The following SRGAP1 variants were observed in gnomAD, a reference collection of about 807,000 sequenced individuals.
The protein encoded by SRGAP1 is SLIT-ROBO Rho GTPase activating protein 1.
A neutral mutation model predicts 121.9 loss-of-function variants in SRGAP1; 43 were observed. The observed-to-expected ratio is 0.35, with a 90% CI of 0.28 to 0.46. SRGAP1 has a LOEUF of 0.46. Among genes scored for constraint, SRGAP1 ranks in the 20% least tolerant of loss-of-function variants. The pLI is 1.00. For missense variants in SRGAP1, 1,102 were observed against 1,350.9 expected, an observed-to-expected ratio of 0.82 and a Z score of 2.89; for synonymous variants, 447 against 485.4, an observed-to-expected ratio of 0.92 and a Z score of 1.04.
rs117485983 is a variant in SRGAP1, at chr12:64,115,579, A to T, written c.2145-235A>T. ...GTTTGAGACCAGCCCAGACAAAATA[A>T]TGAGACCCTCATCTTTACAAAAAAA... is the stretch of plus-strand genomic sequence containing the variant. On this transcript the variant is annotated intron_variant, in intron 17 of 21. Transcript: ENST00000355086. Among the ~76,000 whole-genome samples the T allele has an allele frequency of 1.1e-3, 173 of 152,118 alleles. 2 individuals are homozygous for T. The East Asian group carries it at 0.032, about 28-fold the overall frequency.
Position 63,915,886 on chromosome 12 carries a change from T to C in SRGAP1, c.68-68061T>C, listed in dbSNP as rs113227770. Among the ~76,000 whole-genome samples, 1,257 of 152,274 alleles carry C rather than the reference T, an allele frequency of 8.3e-3. 8 individuals are homozygous for C. Among genetic ancestry groups the C allele is most frequent in the Non-Finnish European group, 0.015 (1,026 of 68,024 alleles). On this transcript the variant is annotated intron_variant, in intron 1 of 21. Transcript: ENST00000355086. ...CAAAAGCTATTCAGAAACTTGGATA[T>C]TAATGAAGTGAGAAGTCTCAAGGAT...
chr12:63,961,511 C>T (rs938167438), intron 1 of SRGAP1, among the ~76,000 whole-genome samples: 3 of 152,198 alleles, frequency 2.0e-5, no homozygotes, highest in African/African-American at 7.2e-5. Flanking sequence ...GTAGAGCATA[C>T]TCTAAATGTG....
rs533019108 is a variant in SRGAP1 at position 64,157,345 on chromosome 12, A to G, written c.*14673A>G. 6.6e-6 allele frequency: 1 copy of G among 152,162 alleles called. No homozygotes were observed. The highest frequency in any genetic ancestry group is 1.9e-4 in the East Asian group (1 of 5,160). The allele number at this position is 152,162 out of a possible 1,614,324, so 9.4% of individuals were successfully genotyped here. ...CCCCCCAAACTCAGTAACACAATCA[A>G]GCTGTATTTCTCCTTCACATCATAG... On this transcript the variant is annotated 3_prime_UTR_variant, in exon 22 of 22. Transcript: ENST00000355086.
At chr12:63,945,907 C>T (rs61933140) in intron 1 of SRGAP1, among the ~76,000 whole-genome samples, 4,474 of 152,102 alleles carry the variant, frequency 0.029, 108 homozygotes, top group Middle Eastern at 0.068. Flanking sequence ...AGGACTGCAG[C>T]ATCCTCTGCA....
chr12:64,121,576 C>G (rs533115959), intron 18 of SRGAP1, among the ~76,000 whole-genome samples: 1 of 152,186 alleles, frequency 6.6e-6, no homozygotes, highest in African/African-American at 2.4e-5. Context: ...TTTTGAAAGT[C>G]TCTGAGTCCT....
intron 4 of SRGAP1, 72 bp downstream of exon 4, chr12:64,017,084 T>C: frequency 1.1e-6 from 1 of 879,846 alleles, no homozygotes; most frequent in Non-Finnish European, 1.8e-6. Flanking sequence ...CACTGCTCAT[T>C]GTAGTATTCA....
chr12:63,901,849 T>C (rs530421533), intron 1 of SRGAP1, among the ~76,000 whole-genome samples: 1 of 152,352 alleles, frequency 6.6e-6, no homozygotes, highest in South Asian at 2.1e-4. Context: ...AAATTAGAAT[T>C]GTTTAAGCCC....
At chr12:63,928,400 A>G (rs372072911) in intron 1 of SRGAP1, among the ~76,000 whole-genome samples, 2 of 152,220 alleles carry the variant, frequency 1.3e-5, no homozygotes, top group Admixed American at 6.5e-5. Flanking sequence ...CTTATTCACA[A>G]TAGCCAAAAC....
Position 64,127,918 on chromosome 12 carries a change from T to C in SRGAP1, c.2598T>C (p.Asp866=), listed in dbSNP as rs746500664. The C allele has an allele frequency of 6.2e-7, 1 of 1,614,170 alleles. No individual in the cohort carries two copies. The highest frequency in any genetic ancestry group is 1.6e-4 in the Middle Eastern group (1 of 6,062). ...TAAGGCGTCCTGGCAGGACCAGTGA[T>C]GGCCATTGCCCGCTCCACCCTCCAC... ...PPVRRPGRTS[D]GHCPLHPPHA... is the part of the protein sequence containing the mutation. Residue 866 remains aspartate (D), a synonymous_variant, in exon 21 of 22, where the codon GAT becomes GAC. Transcript: ENST00000355086.
At chr12:63,906,414 A>G (rs1199827416) in intron 1 of SRGAP1, among the ~76,000 whole-genome samples, 3 of 151,966 alleles carry the variant, frequency 2.0e-5, no homozygotes, top group Non-Finnish European at 4.4e-5. Context: ...TCCTGGGTCC[A>G]CACCATTCTC....
intron 3 of SRGAP1, among the ~76,000 whole-genome samples, chr12:63,999,682 A>G (rs993188566): frequency 2.0e-5 from 3 of 152,136 alleles, no homozygotes; most frequent in African/African-American, 7.2e-5. Flanking sequence ...GAACGGGATT[A>G]TGGAAAACAC....
chr12:64,100,701 A>G (rs937086561), intron 15 of SRGAP1, among the ~76,000 whole-genome samples: 2 of 152,134 alleles, frequency 1.3e-5, no homozygotes, highest in African/African-American at 2.4e-5. Flanking sequence ...GACACTAACA[A>G]CCTCTTTATA....
intron 2 of SRGAP1, among the ~76,000 whole-genome samples, chr12:63,987,691 C>T (rs1275022940): frequency 6.6e-6 from 1 of 152,032 alleles, no homozygotes; most frequent in Non-Finnish European, 1.5e-5. Context: ...CATTGCAGCC[C>T]AGCCTAGGCA....
At chr12:64,135,386 A>T (rs2036843103) in intron 21 of SRGAP1, among the ~76,000 whole-genome samples, 1 of 152,208 alleles carries the variant, frequency 6.6e-6, no homozygotes, top group South Asian at 2.1e-4. Flanking sequence ...ACTCACACTC[A>T]GGGCAGTCTT....
intron 1 of SRGAP1, among the ~76,000 whole-genome samples, chr12:63,914,985 A>T (rs1246391829): frequency 2.6e-5 from 4 of 152,178 alleles, no homozygotes; most frequent in Non-Finnish European, 5.9e-5. Flanking sequence ...GACAATTGAT[A>T]CTTAAATTTT....
In SRGAP1 at chr12:64,153,836, A is replaced by G. The variant is rs1314200114; in HGVS notation, c.*11164A>G. ...TATCCAAAAGAATTGAAAACAGAAGAGATATTTGCACACTCATGTTCACGC... is the reference window on the plus strand; with the variant it reads ...TATCCAAAAGAATTGAAAACAGAAGGGATATTTGCACACTCATGTTCACGC... On this transcript the variant is annotated 3_prime_UTR_variant, in exon 22 of 22. Coordinates refer to ENST00000355086, the MANE Select transcript of SRGAP1 (RefSeq NM_020762.4). 2 of 152,250 alleles carry G rather than the reference A, an allele frequency of 1.3e-5. No homozygotes were observed. The highest frequency in any genetic ancestry group is 2.9e-5 in the Non-Finnish European group (2 of 68,052). The allele number at this position is 152,250 out of a possible 1,614,324, so 9.4% of individuals were successfully genotyped here. A position where few individuals can be genotyped will look rare whatever the true frequency, so the allele number is the denominator to read the frequency against.
chr12:64,134,563 T>G (rs1471614682), intron 21 of SRGAP1, among the ~76,000 whole-genome samples: 1 of 152,176 alleles, frequency 6.6e-6, no homozygotes, highest in Admixed American at 6.6e-5. Flanking sequence ...TTTGGATCCC[T>G]TCCTCTACAT....
chr12:63,898,045 G>A (rs1225031117), intron 1 of SRGAP1, among the ~76,000 whole-genome samples: 2 of 152,318 alleles, frequency 1.3e-5, no homozygotes, highest in South Asian at 2.1e-4. Flanking sequence ...AGCAGAGCTC[G>A]ATTTATGCTG....
chr12:64,016,545 G>C (rs1029056080), intron 3 of SRGAP1, among the ~76,000 whole-genome samples: 1 of 152,124 alleles, frequency 6.6e-6, no homozygotes, highest in African/African-American at 2.4e-5. Flanking sequence ...TTGTAACTTT[G>C]GGCAGAGGGA....
Sources: gnomAD v4.1 joint callset for allele counts (sites outside exome capture counted in the v4.1 genomes callset) on GRCh38, gnomAD v4.1.1 for gene constraint, MANE v1.5 for transcripts, NCBI Gene and HGNC (gene_info 2026-07-23, HGNC 2026-07-21) for gene names.